The following ATP2A1 variants were observed in gnomAD, a reference collection of about 807,000 sequenced individuals.
The protein encoded by ATP2A1 is sarcoplasmic/endoplasmic reticulum calcium ATPase 1.
Under a neutral mutation model 109.5 loss-of-function variants are expected in ATP2A1, and 83 were observed. That is an observed-to-expected ratio of 0.76 (90% CI 0.63 to 0.91). ATP2A1 has a LOEUF of 0.91. Among genes scored for constraint, ATP2A1 ranks in the 40% least tolerant of loss-of-function variants. ATP2A1 has a pLI of 0.00. For missense variants in ATP2A1, 1,101 were observed against 1,341.0 expected, an observed-to-expected ratio of 0.82 and a Z score of 2.80; for synonymous variants, 505 against 537.6, an observed-to-expected ratio of 0.94 and a Z score of 0.84.
In ATP2A1 at chr16:28,903,752, C is replaced by G; in HGVS notation, c.*37+11C>G. 1 of 1,613,000 alleles carries G rather than the reference C, an allele frequency of 6.2e-7. No homozygotes were observed. The highest frequency in any genetic ancestry group is 8.5e-7 in the Non-Finnish European group (1 of 1,178,994). Reference sequence around the variant, plus strand: ...GAGCCCGTGTCACAGGTATCACCCCCTTCTTGCCCTCAGCCCAGCTGCTGT... The same window carrying G: ...GAGCCCGTGTCACAGGTATCACCCCGTTCTTGCCCTCAGCCCAGCTGCTGT... On this transcript the variant is annotated intron_variant, in intron 22 of 22. Coordinates refer to ENST00000395503, the MANE Select transcript of ATP2A1 (RefSeq NM_004320.6). The surrounding 1 kb of genome is among the most constrained non-coding windows in gnomAD (Gnocchi z 5.6).
chr16:28,891,249 T>A (rs914219223), intron 9 of ATP2A1, among the ~76,000 whole-genome samples: 14 of 150,426 alleles, frequency 9.3e-5, no homozygotes, highest in African/African-American at 3.2e-4. Flanking sequence ...TGAGCTGAGA[T>A]TGCGCCATTG....
chr16:28,887,434 A>G lies in ATP2A1; in HGVS notation c.640A>G (p.Ile214Val), dbSNP rs770199753. 30 of 1,613,838 alleles carry G rather than the reference A, an allele frequency of 1.9e-5. No homozygotes were observed. In the East Asian group the frequency reaches 6.5e-4, roughly 35 times the overall value. ...CTCTTTCCCTTCCCAGGGCACCAAC[A>G]TTGCAGCCGGCAAGGCCTTGGGCAT... The part of the protein sequence containing the change: ...KKNMLFSGTN[I>V]AAGKALGIVA... The change falls in exon 8 of 23, where the codon ATT becomes GTT. Residue 214 changes from isoleucine (I) to valine (V), a missense_variant. Ile to Val is a conservative substitution (Grantham distance 29, BLOSUM62 3). Transcript: ENST00000395503.
rs1275837404 is a variant in ATP2A1 at position 28,904,279 on chromosome 16, C to T, written c.*137C>T. 4 of 1,612,276 alleles carry T rather than the reference C, an allele frequency of 2.5e-6. No homozygotes were observed. In the East Asian group the frequency reaches 8.9e-5, roughly 36 times the overall value. On this transcript the variant is annotated 3_prime_UTR_variant, in exon 23 of 23. Transcript: ENST00000395503. Reference sequence around the variant, plus strand: ...GCAGAGCTGTGGCACAGACCCCCGTCCTGTCCCCCACACCCGTGTCATGTG... The same window carrying T: ...GCAGAGCTGTGGCACAGACCCCCGTTCTGTCCCCCACACCCGTGTCATGTG...
chr16:28,889,083 C>T (rs1177052183), intron 9 of ATP2A1, 130 bp downstream of exon 9: 9 of 1,294,294 alleles, frequency 7.0e-6, no homozygotes, highest in Non-Finnish European at 9.9e-6. Context: ...GCTCAAAGGG[C>T]AGTAGAACGC....
At position 28,903,020 on chromosome 16, in the gene ATP2A1, C is replaced by T. The variant is rs1163104774; in HGVS notation, c.2745-10C>T. ...TCACTGTGCCTTCTCCCTCCCCTTC[C>T]CCTCTGCAGCCTGTCCGAGAACCAG... On this transcript the variant is annotated splice_polypyrimidine_tract_variant and intron_variant, in intron 19 of 22. Transcript: ENST00000395503. The surrounding 1 kb of genome is among the most constrained non-coding windows in gnomAD (Gnocchi z 5.6). 1 of 1,613,818 alleles carries T rather than the reference C, an allele frequency of 6.2e-7. No homozygotes were observed. Among genetic ancestry groups the T allele is most frequent in the Middle Eastern group, 1.6e-4 (1 of 6,062 alleles).
intron 3 of ATP2A1, chr16:28,879,892 C>G: frequency 1.4e-6 from 1 of 704,830 alleles, no homozygotes; most frequent in South Asian, 3.8e-5. Flanking sequence ...CGGGTCCCGC[C>G]GCGATGCCGG....
In ATP2A1 at chr16:28,902,271, A is replaced by G. The variant is rs2152214589; in HGVS notation, c.2409A>G (p.Pro803=). 6.2e-7 allele frequency: 1 copy of G among 1,614,072 alleles called. No individual in the cohort carries two copies. The highest frequency in any genetic ancestry group is 8.5e-7 in the Non-Finnish European group (1 of 1,179,996). Reference sequence around the variant, plus strand: ...TGAACTTGGTGACCGACGGGCTCCCAGCCACAGCCCTGGGCTTCAACCCAC... The same window carrying G: ...TGAACTTGGTGACCGACGGGCTCCCGGCCACAGCCCTGGGCTTCAACCCAC... ...LWVNLVTDGL[P]ATALGFNPPD... The change falls in exon 17 of 23, where the codon CCA becomes CCG. Residue 803 remains proline, a synonymous_variant. Coordinates refer to ENST00000395503, the MANE Select transcript of ATP2A1 (RefSeq NM_004320.6). The surrounding 1 kb of genome is among the most constrained non-coding windows in gnomAD (Gnocchi z 4.8).
chr16:28,885,479 G>C (rs1171433614), intron 6 of ATP2A1, among the ~76,000 whole-genome samples: 1 of 151,930 alleles, frequency 6.6e-6, no homozygotes, highest in African/African-American at 2.4e-5. Flanking sequence ...GAGTAGCTGG[G>C]ATTACAGACG....
intron 4 of ATP2A1, chr16:28,881,388 C>T: frequency 5.8e-6 from 2 of 342,144 alleles, no homozygotes; most frequent in South Asian, 2.8e-5. Context: ...CCTACATGTC[C>T]TGTCCTCTGC....
In ATP2A1 at chr16:28,894,342, TC is replaced by T. The variant is rs878868449; in HGVS notation, c.1184+101del. ...ATGTGGTTTTGCTCTCCTTTCACTCTCCTCTTCCTCCCCGACCTTGTTCTCT... is the reference window on the plus strand; with the variant it reads ...ATGTGGTTTTGCTCTCCTTTCACTCTCTCTTCCTCCCCGACCTTGTTCTCT... On this transcript the variant is annotated intron_variant, in intron 10 of 22. Transcript: ENST00000395503. The T allele has an allele frequency of 7.4e-6, 10 of 1,347,126 alleles. No individual in the cohort carries two copies. In the South Asian group the frequency reaches 1.1e-4, roughly 15 times the overall value. 83.4% of individuals were successfully genotyped at this position (1,347,126 alleles called of 1,614,324 possible). A position where few individuals can be genotyped will look rare whatever the true frequency, so the allele number is the denominator to read the frequency against.
chr16:28,878,872 C>G, intron 1 of ATP2A1, 83 bp downstream of exon 1: 1 of 1,468,746 alleles, frequency 6.8e-7, no homozygotes, highest in Non-Finnish European at 9.5e-7. Flanking sequence ...ACGCGTTTCT[C>G]CCTTCAGGGT....
In ATP2A1 at chr16:28,898,369, G is replaced by T; in HGVS notation, c.1682G>T (p.Cys561Phe). 1 of 1,614,212 alleles carries T rather than the reference G, an allele frequency of 6.2e-7. No individual in the cohort carries two copies. The highest frequency in any genetic ancestry group is 8.5e-7 in the Non-Finnish European group (1 of 1,180,048). The change falls in exon 14 of 23, where the codon TGC becomes TTC. Residue 561 changes from cysteine to phenylalanine, a missense_variant. Coordinates refer to ENST00000395503, the MANE Select transcript of ATP2A1 (RefSeq NM_004320.6). This position sits in a 1 kb window ranked among gnomAD's most constrained non-coding sequence, Gnocchi z 4.0. ...EWGTGRDTLR[C>F]LALATRDTPP... is the part of the protein sequence containing the mutation. ...GGCACTGGCCGGGACACCCTGCGCT[G>T]CTTGGCCCTGGCCACCCGGGACACC...
intron 12 of ATP2A1, among the ~76,000 whole-genome samples, chr16:28,897,082 A>G (rs188311389): frequency 5.9e-5 from 9 of 152,162 alleles, no homozygotes; most frequent in African/African-American, 2.2e-4. Flanking sequence ...CTCCATCTCA[A>G]TATAAATAAA....
chr16:28,904,060 G>A, intron 22 of ATP2A1, 120 bp from the exon 23 acceptor site: 1 of 978,440 alleles, frequency 1.0e-6, no homozygotes, highest in Non-Finnish European at 1.6e-6. Flanking sequence ...GAGTAGGGGA[G>A]AAACTGGCAG....
chr16:28,893,927 G>C (rs991801912), intron 9 of ATP2A1, among the ~76,000 whole-genome samples: 2 of 152,084 alleles, frequency 1.3e-5, no homozygotes, highest in Admixed American at 6.6e-5. Context: ...TTACAGGTGT[G>C]AGCCACCTCG....
At chr16:28,901,741 G>A in intron 15 of ATP2A1, 122 bp from the exon 16 acceptor site, 3 of 871,486 alleles carry the variant, frequency 3.4e-6, no homozygotes, top group Non-Finnish European at 3.6e-6. Context: ...AGGATTGCTT[G>A]AGCCCAGGAG....
chr16:28,886,421 G>A (rs572570693), intron 6 of ATP2A1, among the ~76,000 whole-genome samples: 1 of 152,218 alleles, frequency 6.6e-6, no homozygotes, highest in Non-Finnish European at 1.5e-5. Context: ...TGGTCCCAGG[G>A]GGCAAGGGCT....
chr16:28,887,792 CTTTTCTTT>C lies in ATP2A1; in HGVS notation c.928+82_928+89del, dbSNP rs1963655442. On this transcript the variant is annotated intron_variant, in intron 8 of 22. Transcript: ENST00000395503. ...GCAAAGACCCCTTTTCTTTTCTTTTCTTTTCTTTTTTTCTTTTTTGTTTTTTGAGATGG... is the reference window on the plus strand; with the variant it reads ...GCAAAGACCCCTTTTCTTTTCTTTTCTTTTCTTTTTTGTTTTTTGAGATGG... 57 of 1,568,178 alleles carry C rather than the reference CTTTTCTTT, an allele frequency of 3.6e-5. No homozygotes were observed. In the South Asian group the frequency reaches 5.8e-4, roughly 16 times the overall value.
rs1396608933 is a variant in ATP2A1, at chr16:28,898,495, G to T, written c.1764+44G>T. On this transcript the variant is annotated intron_variant, in intron 14 of 22. Transcript: ENST00000395503. The surrounding 1 kb of genome is among the most constrained non-coding windows in gnomAD (Gnocchi z 4.0). ...CCCACTGTCGTGGAGCTGGTGAAGG[G>T]CCGGGTCCCAGCCATCCACTCACAG... The T allele has an allele frequency of 3.2e-6, 5 of 1,582,712 alleles. No homozygotes were observed. Among genetic ancestry groups the T allele is most frequent in the Non-Finnish European group, 4.3e-6 (5 of 1,163,914 alleles).
Sources: gnomAD v4.1 joint callset for allele counts (sites outside exome capture counted in the v4.1 genomes callset) on GRCh38, gnomAD v4.1.1 for gene constraint, Gnocchi (gnomAD v3.1) non-coding constraint, MANE v1.5 for transcripts, NCBI Gene and HGNC (gene_info 2026-07-23, HGNC 2026-07-21) for gene names.